Variants in UBOX5 observed in about 807,000 individuals in gnomAD.
UBOX5 encodes the protein RING finger protein 37.
A neutral mutation model predicts 39.0 loss-of-function variants in UBOX5; 28 were observed. The observed-to-expected ratio is 0.72, with a 90% CI of 0.53 to 0.98. UBOX5 has a LOEUF of 0.98. Ranked by LOEUF, UBOX5 falls within the 50% of genes least tolerant of loss-of-function variation. The pLI is 0.00. For missense variants in UBOX5, 585 were observed against 674.4 expected (o/e 0.87, Z 1.47); for synonymous variants, 283 against 275.5 (o/e 1.03, Z -0.27).
chr20:3,158,619 C>T (rs1231333725), intron 1 of UBOX5, among the ~76,000 whole-genome samples: 3 of 152,054 alleles, frequency 2.0e-5, no homozygotes, highest in Non-Finnish European at 4.4e-5. Context: ...GGACTACAGG[C>T]GCCCGCCACC....
chr20:3,130,254 T>C (rs1342716158), intron 1 of UBOX5, among the ~76,000 whole-genome samples: 2 of 147,160 alleles, frequency 1.4e-5, no homozygotes, highest in African/African-American at 5.0e-5. Flanking sequence ...AATAAATAAA[T>C]AAATAAATAA....
intron 1 of UBOX5, among the ~76,000 whole-genome samples, chr20:3,134,795 G>A (rs2066456598): frequency 6.6e-6 from 1 of 151,954 alleles, no homozygotes. Flanking sequence ...AACCCGGGAG[G>A]TGGAGGTTGC....
intron 1 of UBOX5, among the ~76,000 whole-genome samples, chr20:3,152,088 G>GTGCA (rs1371072965): frequency 6.7e-5 from 8 of 120,096 alleles, no homozygotes; most frequent in Admixed American, 1.8e-4. Flanking sequence ...CTGGGTGACA[G>GTGCA]AGACTCTGTC....
rs894277949 is a variant in UBOX5 at position 3,122,298 on chromosome 20, GCCT to G, written c.338_340del (p.Glu113del). On this transcript the variant is annotated inframe_deletion, in exon 3 of 5. Transcript: ENST00000217173. ...TAAGACTTTGCCTACCAAGGTGAAC[GCCT>G]CCTTGTCTGGGACAGATGGCTCAGC... The G allele has an allele frequency of 6.2e-7, 1 of 1,614,144 alleles. No individual in the cohort carries two copies. Among genetic ancestry groups the G allele is most frequent in the Admixed American group, 1.7e-5 (1 of 60,012 alleles).
chr20:3,120,707 A>T (rs1278102068), intron 3 of UBOX5, among the ~76,000 whole-genome samples: 1 of 152,120 alleles, frequency 6.6e-6, no homozygotes, highest in Non-Finnish European at 1.5e-5. Context: ...TGCAATAAAG[A>T]AGAAAAACAG....
intron 1 of UBOX5, among the ~76,000 whole-genome samples, chr20:3,131,442 C>T: frequency 6.6e-6 from 1 of 152,112 alleles, no homozygotes; most frequent in East Asian, 1.9e-4. Context: ...TTTAAACCAT[C>T]CTTTTTATTC....
intron 1 of UBOX5, among the ~76,000 whole-genome samples, chr20:3,131,066 T>C (rs2066425623): frequency 6.6e-6 from 1 of 151,914 alleles, no homozygotes; most frequent in Admixed American, 6.6e-5. Flanking sequence ...CCTATCTCTA[T>C]GAAAATACAA....
rs1180287139 is a variant in UBOX5 at position 3,121,757 on chromosome 20, G to A, written c.882C>T (p.Arg294=). ...GCACTCGGCCCCATGTGGCTTCACT[G>A]CGGTTACACTTCTCCAGTGTGCTCT... The part of the protein sequence containing the change: ...IDQSTLEKCN[R]SEATWGRVPS... The change falls in exon 3 of 5, where the codon CGC becomes CGT. Residue 294 remains arginine (R), a synonymous_variant. Transcript: ENST00000217173. 1 of 1,613,986 alleles carries A rather than the reference G, an allele frequency of 6.2e-7. No individual in the cohort carries two copies. The highest frequency in any genetic ancestry group is 8.5e-7 in the Non-Finnish European group (1 of 1,180,048).
chr20:3,118,229 T>G (rs368202013), intron 3 of UBOX5, among the ~76,000 whole-genome samples: 2 of 151,754 alleles, frequency 1.3e-5, no homozygotes, highest in African/African-American at 4.8e-5. Flanking sequence ...TCCCAGCACT[T>G]TGGGAGGCTG....
chr20:3,122,552 G>C lies in UBOX5; in HGVS notation c.87C>G (p.Leu29=). 1 of 1,598,864 alleles carries C rather than the reference G, an allele frequency of 6.3e-7. No individual in the cohort carries two copies. Among genetic ancestry groups the C allele is most frequent in the East Asian group, 2.2e-5 (1 of 44,584 alleles). The change falls in exon 3 of 5, where the codon CTC becomes CTG. Residue 29 remains leucine, a synonymous_variant. Coordinates refer to ENST00000217173, the MANE Select transcript of UBOX5 (RefSeq NM_014948.4). Reference sequence around the variant, plus strand: ...TTCTCTTTGTGAGATCTTCAGAGATGAGATTTTCTACTTCGTAACCATCAG... The same window carrying C: ...TTCTCTTTGTGAGATCTTCAGAGATCAGATTTTCTACTTCGTAACCATCAG... ...ISADGYEVEN[L]ISEDLTKRSH...
In UBOX5 at chr20:3,158,882, ACTATT is replaced by A. The variant is rs1336897984; in HGVS notation, c.-42+879_-42+883del. Among the ~76,000 whole-genome samples the A allele has an allele frequency of 8.5e-5, 13 of 152,378 alleles. No homozygotes were observed. In the East Asian group the frequency reaches 2.5e-3, roughly 29 times the overall value. ...TAGTTCTGGAAAGGCAGCCATTCTT[ACTATT>A]CACAAAGTGTAGAAAACGTGAATTC... On this transcript the variant is annotated intron_variant, in intron 1 of 4. Coordinates refer to ENST00000217173, the MANE Select transcript of UBOX5 (RefSeq NM_014948.4).
chr20:3,112,839 G>A (rs1213673127), intron 4 of UBOX5, among the ~76,000 whole-genome samples: 2 of 151,964 alleles, frequency 1.3e-5, no homozygotes, highest in Non-Finnish European at 2.9e-5. Flanking sequence ...GGTGGCGGGC[G>A]CCTGTAGCCC....
intron 1 of UBOX5, chr20:3,146,710 T>A (rs1416681866): frequency 1.3e-6 from 2 of 1,513,962 alleles, no homozygotes; most frequent in Non-Finnish European, 1.8e-6. Flanking sequence ...GCTTTTATAA[T>A]CATTTTGCAA....
intron 1 of UBOX5, among the ~76,000 whole-genome samples, chr20:3,157,899 TTTTG>T (rs770385287): frequency 2.0e-5 from 3 of 152,116 alleles, no homozygotes; most frequent in Non-Finnish European, 4.4e-5. Flanking sequence ...TTCAGAATTC[TTTTG>T]TTTTTTTTTT....
chr20:3,132,989 AAAG>A (rs1271969005), intron 1 of UBOX5, among the ~76,000 whole-genome samples: 1 of 151,982 alleles, frequency 6.6e-6, no homozygotes, highest in Non-Finnish European at 1.5e-5. Flanking sequence ...TAATAATAAT[AAAG>A]AATGATTGGG....
intron 1 of UBOX5, among the ~76,000 whole-genome samples, chr20:3,142,024 TTTC>T (rs1363687848): frequency 1.4e-5 from 2 of 141,904 alleles, no homozygotes; most frequent in African/African-American, 6.1e-5. Context: ...TTTCTTTTCT[TTTC>T]TTTTTTTTTT....
chr20:3,148,724 C>T (rs766789581), intron 1 of UBOX5: 10 of 1,614,064 alleles, frequency 6.2e-6, no homozygotes, highest in South Asian at 3.3e-5. Flanking sequence ...TAGGAAAACT[C>T]GCATGTTTTC....
intron 1 of UBOX5, chr20:3,151,758 A>C (rs2066627470): frequency 6.6e-6 from 1 of 152,288 alleles, no homozygotes; most frequent in South Asian, 2.1e-4. Context: ...TCCTCAAAAT[A>C]GTCATTAGGA....
At chr20:3,123,618 C>T (rs1218303575) in intron 1 of UBOX5, among the ~76,000 whole-genome samples, 1 of 152,118 alleles carries the variant, frequency 6.6e-6, no homozygotes, top group African/African-American at 2.4e-5. Flanking sequence ...ATGGCAGGCT[C>T]AACAGGTTGG....
Sources: allele counts gnomAD v4.1 joint callset (sites outside exome capture counted in the v4.1 genomes callset), GRCh38; gene constraint gnomAD v4.1.1; transcripts MANE v1.5; gene names NCBI Gene and HGNC (gene_info 2026-07-23, HGNC 2026-07-21).